The following DSCAML1 variants were observed in gnomAD, a reference collection of about 807,000 sequenced individuals.
The protein encoded by DSCAML1 is cell adhesion molecule DSCAML1.
DSCAML1 carries 38 observed loss-of-function variants against 200.5 expected under a neutral mutation model. The observed-to-expected ratio is 0.19, with a 90% confidence interval of 0.15 to 0.25. DSCAML1 has a LOEUF of 0.25. Among genes scored for constraint, DSCAML1 ranks in the 10% least tolerant of loss-of-function variants. The pLI, the probability that DSCAML1 is intolerant of heterozygous loss-of-function variation, is 1.00. For synonymous variants in DSCAML1, 1,215 were observed against 1,165.0 expected (o/e 1.04, Z -0.87); for missense variants, 2,223 against 2,858.8 (o/e 0.78, Z 5.07).
chr11:117,631,179 G>A (rs911758292), intron 3 of DSCAML1, among the ~76,000 whole-genome samples: 1 of 152,232 alleles, frequency 6.6e-6, no homozygotes, highest in African/African-American at 2.4e-5. Flanking sequence ...CCTATAGCCT[G>A]AGGACACAAG....
At chr11:117,575,913 G>T (rs1204870922) in intron 3 of DSCAML1, among the ~76,000 whole-genome samples, 2 of 151,810 alleles carry the variant, frequency 1.3e-5, no homozygotes, top group Non-Finnish European at 2.9e-5. Context: ...AGCAAGCAAA[G>T]GCTTGGGCCC....
At chr11:117,609,037 A>ACAAC (rs2051633663) in intron 3 of DSCAML1, among the ~76,000 whole-genome samples, 1 of 150,964 alleles carries the variant, frequency 6.6e-6, no homozygotes, top group African/African-American at 2.4e-5. Context: ...CAAACAAACA[A>ACAAC]AAAAAACAAA....
upstream of DSCAML1, chr11:117,801,349 T>G (rs531498595): frequency 1.3e-5 from 2 of 152,332 alleles, no homozygotes; most frequent in East Asian, 3.9e-4. Context: ...ACAAGGTAAA[T>G]GCAAACAAAT....
rs1024367630 is a variant in DSCAML1, at chr11:117,521,516, A to AGGTTCTGCCTCCAGACCCCTT, written c.938-132_938-112dup. The stretch of plus-strand genomic sequence containing the variant: ...GGTAGTTAGGGGTCACAAAAGGCCC[A>AGGTTCTGCCTCCAGACCCCTT]GGTTCTGCCTCCAGACCCCTTGTGT... On this transcript the variant is annotated intron_variant, in intron 5 of 32. Coordinates refer to ENST00000651296, the MANE Select transcript of DSCAML1 (RefSeq NM_020693.4). The AGGTTCTGCCTCCAGACCCCTT allele has an allele frequency of 3.4e-6, 4 of 1,163,422 alleles. No homozygotes were observed. In the Admixed American group the frequency reaches 8.9e-5, roughly 26 times the overall value. The allele number at this position is 1,163,422 out of a possible 1,614,324, so 72.1% of individuals were successfully genotyped here.
At chr11:117,811,473 C>G (rs2055759866) in intron 1 of DSCAML1, among the ~76,000 whole-genome samples, 1 of 152,264 alleles carries the variant, frequency 6.6e-6, no homozygotes, top group South Asian at 2.1e-4. Flanking sequence ...CCAGCTACAT[C>G]TCCAGCACAC....
chr11:117,558,699 T>G (rs898620658), intron 3 of DSCAML1, among the ~76,000 whole-genome samples: 1 of 152,204 alleles, frequency 6.6e-6, no homozygotes, highest in Non-Finnish European at 1.5e-5. Context: ...ACTCGCGTCT[T>G]AAGAGCCAAG....
At chr11:117,440,220 AG>A (rs1307281561) in intron 21 of DSCAML1, among the ~76,000 whole-genome samples, 5 of 152,200 alleles carry the variant, frequency 3.3e-5, no homozygotes, top group Non-Finnish European at 7.3e-5. Flanking sequence ...ACCATCCAAG[AG>A]GGAGACAGAT....
At chr11:117,789,754 C>G (rs1300247968) in intron 1 of DSCAML1, among the ~76,000 whole-genome samples, 1 of 152,094 alleles carries the variant, frequency 6.6e-6, no homozygotes, top group Non-Finnish European at 1.5e-5. Flanking sequence ...CTATGTGGTC[C>G]AAGCGGTGAC....
In DSCAML1 at chr11:117,780,839, G is replaced by A. The variant is rs1401666263; in HGVS notation, c.47-29C>T. ...CAGGAGAGGCAAGGGGAGAGACTTG[G>A]TTAGCATGGGCTCTAACAATACCCA... On this transcript the variant is annotated intron_variant, in intron 1 of 32. Coordinates refer to ENST00000651296, the MANE Select transcript of DSCAML1 (RefSeq NM_020693.4). The surrounding 1 kb of genome is among the most constrained non-coding windows in gnomAD (Gnocchi z 4.8). The A allele has an allele frequency of 7.1e-6, 10 of 1,400,296 alleles. No individual in the cohort carries two copies. Among genetic ancestry groups the A allele is most frequent in the East Asian group, 2.7e-5 (1 of 36,504 alleles). 86.7% of individuals were successfully genotyped at this position (1,400,296 alleles called of 1,614,324 possible).
At chr11:117,718,685 T>A (rs1160085163) in intron 3 of DSCAML1, among the ~76,000 whole-genome samples, 1 of 12,582 alleles carries the variant, frequency 7.9e-5, no homozygotes, top group South Asian at 2.9e-3. Context: ...CCCCCCCCCA[T>A]CATATGAGAC....
chr11:117,428,321 G>A lies in DSCAML1; in HGVS notation c.*7C>T, dbSNP rs766734912. On this transcript the variant is annotated 3_prime_UTR_variant, in exon 33 of 33. Transcript: ENST00000651296. Reference sequence around the variant, plus strand: ...CGGTCCAGGCGTGGCTGCTCTTCCTGCGGGCCCTACACCAGGGTGTAGGAT... The same window carrying A: ...CGGTCCAGGCGTGGCTGCTCTTCCTACGGGCCCTACACCAGGGTGTAGGAT... The A allele has an allele frequency of 2.1e-4, 318 of 1,479,870 alleles. No individual in the cohort carries two copies. Among genetic ancestry groups the A allele is most frequent in the Non-Finnish European group, 2.8e-4 (297 of 1,070,100 alleles). 91.7% of individuals were successfully genotyped at this position (1,479,870 alleles called of 1,614,324 possible). A position where few individuals can be genotyped will look rare whatever the true frequency, so the allele number is the denominator to read the frequency against.
intron 3 of DSCAML1, among the ~76,000 whole-genome samples, chr11:117,538,878 CAAAGG>C (rs908223093): frequency 7.2e-5 from 11 of 151,956 alleles, no homozygotes; most frequent in Non-Finnish European, 1.5e-4. Context: ...GTCTCTAGAG[CAAAGG>C]AAAGGAAAGG....
At chr11:117,796,394 C>G (rs998573076) in intron 1 of DSCAML1, among the ~76,000 whole-genome samples, 2 of 152,174 alleles carry the variant, frequency 1.3e-5, no homozygotes, top group Non-Finnish European at 2.9e-5. Flanking sequence ...AAAGCCGGGG[C>G]AGAGGGGTGG....
chr11:117,443,911 C>A lies in DSCAML1; in HGVS notation c.3837G>T (p.Lys1279Asn). 6.2e-7 allele frequency: 1 copy of A among 1,610,302 alleles called. No individual in the cohort carries two copies. Among genetic ancestry groups the A allele is most frequent in the Non-Finnish European group, 8.5e-7 (1 of 1,178,594 alleles). ...TSAGRGNSSE[K>N]VTIEPAGKAP... Reference sequence around the variant, plus strand: ...CCTTGCCAGCAGGCTCGATGGTCACCTTCTCGCTGCTGTTGCCCCGGCCGG... The same window carrying A: ...CCTTGCCAGCAGGCTCGATGGTCACATTCTCGCTGCTGTTGCCCCGGCCGG... The change falls in exon 21 of 33, where the codon AAG (lysine) becomes AAT (asparagine). Residue 1279 changes from lysine to asparagine, a missense_variant. Around this residue, in one of 7 missense-constraint regions of DSCAML1, gnomAD observed 614 missense variants for 739.1 expected, o/e 0.83. Coordinates refer to ENST00000651296, the MANE Select transcript of DSCAML1 (RefSeq NM_020693.4).
chr11:117,658,441 C>G (rs764853916), intron 3 of DSCAML1, among the ~76,000 whole-genome samples: 1 of 152,196 alleles, frequency 6.6e-6, no homozygotes, highest in African/African-American at 2.4e-5. Context: ...AAAGCTGTGG[C>G]TTGCCCAAAG....
chr11:117,751,652 G>A (rs2054607433), intron 3 of DSCAML1, among the ~76,000 whole-genome samples: 2 of 152,094 alleles, frequency 1.3e-5, no homozygotes. Context: ...GCCTGAAGCT[G>A]CCGAGCCAGC....
intron 3 of DSCAML1, among the ~76,000 whole-genome samples, chr11:117,656,318 C>T (rs900990447): frequency 4.6e-5 from 7 of 152,214 alleles, no homozygotes; most frequent in African/African-American, 1.7e-4. Context: ...CACCAGGTAA[C>T]CCTGCTGTCA....
At chr11:117,535,472 G>A (rs964159523) in intron 3 of DSCAML1, among the ~76,000 whole-genome samples, 5 of 152,018 alleles carry the variant, frequency 3.3e-5, no homozygotes. Flanking sequence ...GGCAGACCCC[G>A]CAACTAGGCA....
chr11:117,759,865 T>A (rs1321396005), intron 3 of DSCAML1, among the ~76,000 whole-genome samples: 2 of 152,220 alleles, frequency 1.3e-5, no homozygotes. Flanking sequence ...GCAGACACAT[T>A]TCTTCCCCTC....
Sources: allele counts gnomAD v4.1 joint callset (sites outside exome capture counted in the v4.1 genomes callset), GRCh38; gene constraint gnomAD v4.1.1; regional missense constraint gnomAD v4.1.1; non-coding constraint Gnocchi (gnomAD v3.1); transcripts MANE v1.5; gene names NCBI Gene and HGNC (gene_info 2026-07-23, HGNC 2026-07-21).